The following CERS6 variants were observed in gnomAD, a reference collection of about 807,000 sequenced individuals.
CERS6 encodes ceramide synthase 6, also known as LAG1 homolog, ceramide synthase 6.
Under a neutral mutation model 56.8 loss-of-function variants are expected in CERS6, and 26 were observed. The observed-to-expected ratio is 0.46, with a 90% CI of 0.34 to 0.63. The LOEUF (loss-of-function observed/expected upper bound fraction) is 0.63, where lower values mean the gene tolerates loss of function less well. CERS6 is among the 30% of genes least tolerant of loss of function. CERS6 has a pLI of 0.01. For synonymous variants in CERS6, 164 were observed against 173.3 expected (o/e 0.95, Z 0.42); for missense variants, 415 against 467.5 (o/e 0.89, Z 1.04).
chr2:168,579,294 C>T (rs1683351519), intron 3 of CERS6, among the ~76,000 whole-genome samples: 1 of 151,884 alleles, frequency 6.6e-6, no homozygotes, highest in South Asian at 2.1e-4. Flanking sequence ...GGAGAGCAGC[C>T]CTCACTTTTT....
At chr2:168,676,199 A>G (rs1686055045) in intron 4 of CERS6, among the ~76,000 whole-genome samples, 1 of 152,196 alleles carries the variant, frequency 6.6e-6, no homozygotes, top group Non-Finnish European at 1.5e-5. Flanking sequence ...AAAACTATAA[A>G]TATTCTTCTT....
At chr2:168,639,252 G>A (rs943825727) in intron 4 of CERS6, among the ~76,000 whole-genome samples, 5 of 152,200 alleles carry the variant, frequency 3.3e-5, no homozygotes, top group African/African-American at 7.2e-5. Flanking sequence ...GAAGGGAGTT[G>A]CATTAGTATT....
At chr2:168,528,199 T>C (rs551332188) in intron 1 of CERS6, among the ~76,000 whole-genome samples, 12 of 152,342 alleles carry the variant, frequency 7.9e-5, no homozygotes, top group African/African-American at 2.9e-4. Flanking sequence ...ATTATAGTAT[T>C]ACAGAAGGTA....
rs538863494 is a variant in CERS6, at chr2:168,579,860, C to T, written c.407+18538C>T. 1.4e-3 allele frequency among the ~76,000 whole-genome samples: 210 copies of T among 152,226 alleles called. No individual in the cohort carries two copies. In the Middle Eastern group the frequency reaches 0.017, roughly 12 times the overall value. On this transcript the variant is annotated intron_variant, in intron 3 of 9. Coordinates refer to ENST00000305747, the MANE Select transcript of CERS6 (RefSeq NM_203463.3). ...TCTCTGCTTGCTGGGCTCGTTCCTG[C>T]CTCTTGGCCTTTGCGCTTGCTTTCC... is the stretch of plus-strand genomic sequence containing the variant.
rs1559087847 is a variant in CERS6 at position 168,770,268 on chromosome 2, T to C, written c.*606T>C. The C allele has an allele frequency of 6.6e-6, 1 of 152,386 alleles. No individual in the cohort carries two copies. Among genetic ancestry groups the C allele is most frequent in the Non-Finnish European group, 1.5e-5 (1 of 68,166 alleles). The allele number at this position is 152,386 out of a possible 1,614,324, so 9.4% of individuals were successfully genotyped here. A position where few individuals can be genotyped will look rare whatever the true frequency, so the allele number is the denominator to read the frequency against. ...AAAGAAGATGGTTATTGGAGAACTT[T>C]TTTGAATGGTTTTGTATTAAATTGC... On this transcript the variant is annotated 3_prime_UTR_variant, in exon 10 of 10. Transcript: ENST00000305747.
chr2:168,559,529 T>C (rs943285695), intron 2 of CERS6, among the ~76,000 whole-genome samples: 7 of 151,706 alleles, frequency 4.6e-5, no homozygotes, highest in East Asian at 3.9e-4. Flanking sequence ...CATGCAAGCA[T>C]GGGCAAGCTC....
At chr2:168,759,687 TTTGA>T (rs1186364025) in intron 8 of CERS6, among the ~76,000 whole-genome samples, 2 of 152,160 alleles carry the variant, frequency 1.3e-5, no homozygotes, top group East Asian at 3.8e-4. Flanking sequence ...TTATCTTAAC[TTTGA>T]TTATCATAGA....
intron 2 of CERS6, among the ~76,000 whole-genome samples, chr2:168,552,347 T>TAC (rs1491492317): frequency 1.3e-4 from 8 of 62,946 alleles, no homozygotes; most frequent in East Asian, 1.1e-3. Flanking sequence ...ACATACAGAG[T>TAC]ATACACACAC....
rs1021250184 is a variant in CERS6, at chr2:168,773,870, C to T, written c.*4208C>T. On this transcript the variant is annotated 3_prime_UTR_variant, in exon 10 of 10. Transcript: ENST00000305747. The stretch of plus-strand genomic sequence containing the variant: ...GCCTCCATGTGCACTGGCCCCTCCC[C>T]ACCCCTAGGGGGCACTCAGTAGCTG... 8 of 152,202 alleles carry T rather than the reference C, an allele frequency of 5.3e-5. No individual in the cohort carries two copies. Among genetic ancestry groups the T allele is most frequent in the Admixed American group, 5.2e-4 (8 of 15,286 alleles). The allele number at this position is 152,202 out of a possible 1,614,324, so 9.4% of individuals were successfully genotyped here. A position where few individuals can be genotyped will look rare whatever the true frequency, so the allele number is the denominator to read the frequency against.
chr2:168,744,227 T>G (rs377067255), intron 8 of CERS6, among the ~76,000 whole-genome samples: 14 of 151,936 alleles, frequency 9.2e-5, no homozygotes, highest in South Asian at 2.1e-4. Flanking sequence ...GGATGGTCTC[T>G]ATCTCCTGAC....
At chr2:168,512,007 A>C (rs1694796605) in intron 1 of CERS6, among the ~76,000 whole-genome samples, 1 of 151,996 alleles carries the variant, frequency 6.6e-6, no homozygotes, top group East Asian at 1.9e-4. Flanking sequence ...TTAAAAAGGA[A>C]GGGGATTTGA....
At chr2:168,614,170 T>G (rs185076218) in intron 3 of CERS6, among the ~76,000 whole-genome samples, 68 of 152,354 alleles carry the variant, frequency 4.5e-4, no homozygotes, top group African/African-American at 1.6e-3. Flanking sequence ...GTCAGAAGTC[T>G]GTGCAACTAC....
At chr2:168,596,565 T>C (rs1683804395) in intron 3 of CERS6, among the ~76,000 whole-genome samples, 2 of 143,602 alleles carry the variant, frequency 1.4e-5, no homozygotes, top group Admixed American at 1.4e-4. Context: ...CTTTTTTTTT[T>C]TTTTTTGAGA....
chr2:168,674,036 G>C (rs10930335), intron 4 of CERS6, among the ~76,000 whole-genome samples: 1 of 152,096 alleles, frequency 6.6e-6, no homozygotes, highest in Non-Finnish European at 1.5e-5. Flanking sequence ...GTCATGATTC[G>C]TACACCGTGA....
intron 6 of CERS6, among the ~76,000 whole-genome samples, chr2:168,702,286 C>G (rs1225246273): frequency 6.6e-6 from 1 of 152,080 alleles, no homozygotes. Flanking sequence ...AAATGCAGTT[C>G]TTTTTCTTTT....
At chr2:168,498,912 T>C (rs576356498) in intron 1 of CERS6, among the ~76,000 whole-genome samples, 3 of 152,132 alleles carry the variant, frequency 2.0e-5, no homozygotes, top group African/African-American at 4.8e-5. Flanking sequence ...TGTGTCTGAC[T>C]TCCCCCCCAC....
chr2:168,668,557 C>T (rs943596949), intron 4 of CERS6, among the ~76,000 whole-genome samples: 23 of 151,796 alleles, frequency 1.5e-4, no homozygotes, highest in African/African-American at 5.6e-4. Flanking sequence ...AGCAATTCTC[C>T]TGCCTCAGTC....
At chr2:168,519,358 T>C (rs1694938417) in intron 1 of CERS6, among the ~76,000 whole-genome samples, 1 of 152,206 alleles carries the variant, frequency 6.6e-6, no homozygotes, top group African/African-American at 2.4e-5. Context: ...ATTTATGATA[T>C]AATTTTCTTT....
intron 6 of CERS6, among the ~76,000 whole-genome samples, chr2:168,698,840 A>G (rs1686733619): frequency 6.6e-6 from 1 of 152,132 alleles, no homozygotes; most frequent in South Asian, 2.1e-4. Flanking sequence ...GCCTGTATAT[A>G]TTGTCAGTGT....
Sources: allele counts gnomAD v4.1 joint callset (sites outside exome capture counted in the v4.1 genomes callset), GRCh38; gene constraint gnomAD v4.1.1; transcripts MANE v1.5; gene names NCBI Gene and HGNC (gene_info 2026-07-23, HGNC 2026-07-21).